Variants in EVL observed in about 807,000 individuals in gnomAD.
EVL encodes the protein ena/VASP-like protein.
Under a neutral mutation model 59.6 loss-of-function variants are expected in EVL, and 21 were observed. The observed-to-expected ratio is 0.35, with a 90% CI of 0.25 to 0.51. EVL has a LOEUF of 0.51. Ranked by LOEUF, EVL falls within the 20% of genes least tolerant of loss-of-function variation. The probability of loss-of-function intolerance (pLI) is 0.97; values close to 1 mark genes in which losing one functional copy is unlikely to be tolerated. For missense variants in EVL, 462 were observed against 546.6 expected (o/e 0.85, Z 1.54); for synonymous variants, 198 against 203.5 (o/e 0.97, Z 0.23).
intron 1 of EVL, among the ~76,000 whole-genome samples, chr14:100,069,978 A>G (rs1484731674): frequency 6.6e-6 from 1 of 151,710 alleles, no homozygotes; most frequent in African/African-American, 2.4e-5. Flanking sequence ...TGTAATCCCA[A>G]CACTTTGAGA....
intron 3 of EVL, among the ~76,000 whole-genome samples, chr14:100,122,852 G>A (rs1279334121): frequency 1.3e-5 from 2 of 152,214 alleles, no homozygotes; most frequent in African/African-American, 2.4e-5. Context: ...AGCAGACTTC[G>A]CCTATGCCGG....
intron 1 of EVL, among the ~76,000 whole-genome samples, chr14:100,025,208 T>C (rs1459009023): frequency 6.6e-6 from 1 of 152,116 alleles, no homozygotes; most frequent in Non-Finnish European, 1.5e-5. Flanking sequence ...TCACTGAGAG[T>C]GAGAGCACAA....
intron 1 of EVL, among the ~76,000 whole-genome samples, chr14:99,988,874 CAG>C (rs759261190): frequency 2.0e-5 from 3 of 152,090 alleles, no homozygotes; most frequent in Non-Finnish European, 4.4e-5. Flanking sequence ...TCTATAGAGA[CAG>C]AATGTAGATT....
Position 100,121,692 on chromosome 14 carries a change from C to T in EVL, c.359-1847C>T, listed in dbSNP as rs114411483. On this transcript the variant is annotated intron_variant, in intron 3 of 13. Coordinates refer to ENST00000392920, the MANE Select transcript of EVL (RefSeq NM_016337.3). ...ACAGGTTGGGAGGGTGTTGGGAGGA[C>T]GTCAGCCCAGCAGGCAAAATGGGGA... Among the ~76,000 whole-genome samples the T allele has an allele frequency of 9.5e-3, 1,451 of 152,242 alleles. 14 individuals are homozygous for T. Among genetic ancestry groups the T allele is most frequent in the African/African-American group, 0.033 (1,382 of 41,532 alleles).
chr14:99,979,193 A>G (rs1241251172), intron 1 of EVL, among the ~76,000 whole-genome samples: 1 of 152,098 alleles, frequency 6.6e-6, no homozygotes, highest in Non-Finnish European at 1.5e-5. Context: ...CCATACCTAA[A>G]AGATTTACAG....
At chr14:100,141,061 A>T in intron 11 of EVL, 119 bp from the exon 12 acceptor site, 1 of 906,120 alleles carries the variant, frequency 1.1e-6, no homozygotes, top group South Asian at 1.7e-5. Flanking sequence ...AGTCTGAAGC[A>T]AGCAGCCTCT....
chr14:100,136,507 A>C (rs1888796987), intron 9 of EVL, among the ~76,000 whole-genome samples: 1 of 152,122 alleles, frequency 6.6e-6, no homozygotes, highest in Non-Finnish European at 1.5e-5. Flanking sequence ...CAGGGGAGGA[A>C]GACCCCAGGG....
intron 4 of EVL, 105 bp from the exon 5 acceptor site, chr14:100,126,602 C>A: frequency 7.8e-7 from 1 of 1,278,682 alleles, no homozygotes; most frequent in Non-Finnish European, 1.1e-6. Context: ...GGAGCGCTGG[C>A]GAAACCTGAC....
At chr14:100,115,022 T>C (rs1887243512) in intron 3 of EVL, among the ~76,000 whole-genome samples, 2 of 137,062 alleles carry the variant, frequency 1.5e-5, no homozygotes, top group Middle Eastern at 3.5e-3. Flanking sequence ...AGCCCAGCCA[T>C]GGATGATTGG....
intron 6 of EVL, 65 bp downstream of exon 6, chr14:100,128,813 C>T: frequency 1.4e-6 from 2 of 1,398,408 alleles, no homozygotes; most frequent in Non-Finnish European, 2.0e-6. Context: ...CTGCAGAGCG[C>T]TTGTGTTCCT....
intron 1 of EVL, among the ~76,000 whole-genome samples, chr14:100,027,828 C>T (rs539926340): frequency 2.2e-4 from 34 of 152,302 alleles, no homozygotes; most frequent in Middle Eastern, 6.8e-3. Flanking sequence ...GCATGCGCCA[C>T]TATGCCCAGC....
In EVL at chr14:100,127,891, G is replaced by A. The variant is rs1040111927; in HGVS notation, c.488-628G>A. Among the ~76,000 whole-genome samples, 2 of 152,248 alleles carry A rather than the reference G, an allele frequency of 1.3e-5. No individual in the cohort carries two copies. The highest frequency in any genetic ancestry group is 2.4e-5 in the African/African-American group (1 of 41,462). ...ATTCGTTGACTGTTCCTCATAGGCT[G>A]TGAGCACCCTGAGCAGAGAGCTTGT... On this transcript the variant is annotated intron_variant, in intron 5 of 13. Transcript: ENST00000392920. This position sits in a 1 kb window ranked among gnomAD's most constrained non-coding sequence, Gnocchi z 4.2.
At chr14:99,984,814 C>A (rs2060830263) in intron 1 of EVL, among the ~76,000 whole-genome samples, 1 of 152,024 alleles carries the variant, frequency 6.6e-6, no homozygotes, top group African/African-American at 2.4e-5. Context: ...CTGAGTTGCA[C>A]CATGTTGGCC....
At chr14:100,036,646 G>GA (rs2061393662) in intron 1 of EVL, among the ~76,000 whole-genome samples, 1 of 151,950 alleles carries the variant, frequency 6.6e-6, no homozygotes, top group Non-Finnish European at 1.5e-5. Flanking sequence ...AAAACTGCAA[G>GA]AAAAATAAAA....
chr14:100,019,111 A>G (rs974918633), intron 1 of EVL, among the ~76,000 whole-genome samples: 24 of 152,230 alleles, frequency 1.6e-4, no homozygotes, highest in African/African-American at 5.3e-4. Flanking sequence ...AGTGTTTGAT[A>G]GTGGAATGGT....
chr14:100,075,938 G>A, intron 1 of EVL, among the ~76,000 whole-genome samples: 1 of 152,136 alleles, frequency 6.6e-6, no homozygotes, highest in Non-Finnish European at 1.5e-5. Context: ...ATTTTGCAGT[G>A]ATCTGTTTTT....
At chr14:100,038,299 C>T (rs1438279859) in intron 1 of EVL, among the ~76,000 whole-genome samples, 3 of 152,204 alleles carry the variant, frequency 2.0e-5, no homozygotes, top group Non-Finnish European at 4.4e-5. Context: ...GCAAATAAAT[C>T]CACAGCAGGT....
intron 1 of EVL, among the ~76,000 whole-genome samples, chr14:100,038,771 G>GGGGTGTGTGTGTGTGTGTGTGTGT (rs375810603): frequency 7.1e-6 from 1 of 140,916 alleles, no homozygotes; most frequent in Non-Finnish European, 1.5e-5. Flanking sequence ...TGTGCCCTGG[G>GGGGTGTGTGTGTGTGTGTGTGTGT]GTGTGTGTGT....
At chr14:100,096,716 C>T (rs1885840066) in intron 2 of EVL, among the ~76,000 whole-genome samples, 2 of 152,188 alleles carry the variant, frequency 1.3e-5, no homozygotes, top group African/African-American at 4.8e-5. Context: ...TTTTAAATCT[C>T]TGAAAGAGCA....
Sources: gnomAD v4.1 joint callset for allele counts (sites outside exome capture counted in the v4.1 genomes callset) on GRCh38, gnomAD v4.1.1 for gene constraint, Gnocchi (gnomAD v3.1) non-coding constraint, MANE v1.5 for transcripts, NCBI Gene and HGNC (gene_info 2026-07-23, HGNC 2026-07-21) for gene names.